The following GALNT17 variants were observed in gnomAD, a reference collection of about 807,000 sequenced individuals.
GALNT17 encodes polypeptide N-acetylgalactosaminyltransferase 17, also known as UDP-GalNAc:polypeptide N-acetylgalactosaminyltransferase-like 3.
In GALNT17, 29 loss-of-function variants were observed where a neutral mutation model predicts 63.7. The ratio of observed to expected loss-of-function variants is 0.46; its 90% CI spans 0.34 to 0.62. The LOEUF (loss-of-function observed/expected upper bound fraction) is 0.62, where lower values mean the gene tolerates loss of function less well. GALNT17 is among the 20% of genes least tolerant of loss of function. The pLI is 0.01. For synonymous variants in GALNT17, 305 were observed against 318.3 expected, an observed-to-expected ratio of 0.96 and a Z score of 0.45; for missense variants, 603 against 799.6, an observed-to-expected ratio of 0.75 and a Z score of 2.97.
chr7:71,526,050 C>T (rs750579768), intron 5 of GALNT17, among the ~76,000 whole-genome samples: 13 of 151,934 alleles, frequency 8.6e-5, no homozygotes, highest in African/African-American at 1.9e-4. Context: ...TCGAGTATGT[C>T]GTTATCAGCA....
intron 1 of GALNT17, among the ~76,000 whole-genome samples, chr7:71,274,548 G>T (rs942326140): frequency 1.5e-4 from 23 of 152,164 alleles, no homozygotes; most frequent in Admixed American, 1.4e-3. Flanking sequence ...CAAAAGCGCT[G>T]GGTTGGCAGA....
chr7:71,656,360 G>C (rs1790828257), intron 6 of GALNT17, among the ~76,000 whole-genome samples: 1 of 152,146 alleles, frequency 6.6e-6, no homozygotes, highest in Admixed American at 6.5e-5. Flanking sequence ...GAGTTAACTA[G>C]GCAGATGGGG....
intron 6 of GALNT17, among the ~76,000 whole-genome samples, chr7:71,645,223 T>C (rs1039200832): frequency 6.6e-6 from 1 of 152,180 alleles, no homozygotes; most frequent in Non-Finnish European, 1.5e-5. Context: ...CATAAGTGGA[T>C]TAGGTCTGTC....
intron 1 of GALNT17, among the ~76,000 whole-genome samples, chr7:71,267,906 T>G (rs1292029578): frequency 2.6e-5 from 3 of 115,620 alleles, no homozygotes; most frequent in Non-Finnish European, 5.1e-5. Flanking sequence ...TTCCCCTCCC[T>G]GTGTCCATGT....
chr7:71,697,316 T>G (rs1791559983), intron 9 of GALNT17, among the ~76,000 whole-genome samples: 2 of 152,148 alleles, frequency 1.3e-5, no homozygotes, highest in African/African-American at 4.8e-5. Context: ...TCTGTCTTTA[T>G]CTGCATCTGT....
chr7:71,620,024 T>C (rs1322794686), intron 6 of GALNT17, among the ~76,000 whole-genome samples: 1 of 152,218 alleles, frequency 6.6e-6, no homozygotes, highest in East Asian at 1.9e-4. Context: ...ATTGAAAACC[T>C]TTTCTCTGTC....
At chr7:71,599,891 G>A (rs935861192) in intron 6 of GALNT17, among the ~76,000 whole-genome samples, 1 of 151,930 alleles carries the variant, frequency 6.6e-6, no homozygotes, top group Non-Finnish European at 1.5e-5. Context: ...GTGGGGTAGA[G>A]GGTATCCTGT....
intron 1 of GALNT17, among the ~76,000 whole-genome samples, chr7:71,314,032 T>C (rs60354283): frequency 0.031 from 4,778 of 152,250 alleles, 200 homozygotes; most frequent in African/African-American, 0.089. Flanking sequence ...AAAAAGATTA[T>C]TTAATTTGGG....
chr7:71,255,551 C>G (rs1313461652), intron 1 of GALNT17, among the ~76,000 whole-genome samples: 1 of 152,222 alleles, frequency 6.6e-6, no homozygotes, highest in African/African-American at 2.4e-5. Flanking sequence ...TCTGCCTCCC[C>G]TGAAGGAGTT....
At chr7:71,285,503 A>G (rs1393294889) in intron 1 of GALNT17, among the ~76,000 whole-genome samples, 1 of 152,206 alleles carries the variant, frequency 6.6e-6, no homozygotes, top group Non-Finnish European at 1.5e-5. Flanking sequence ...CTTGTATTAA[A>G]TGTGGTTATG....
At chr7:71,539,333 GATAAAA>G (rs1424797912) in intron 5 of GALNT17, among the ~76,000 whole-genome samples, 1 of 151,994 alleles carries the variant, frequency 6.6e-6, no homozygotes, top group African/African-American at 2.4e-5. Flanking sequence ...CCTTTTGAAT[GATAAAA>G]ATAGAAATGT....
intron 1 of GALNT17, among the ~76,000 whole-genome samples, chr7:71,218,264 G>A (rs1789522540): frequency 2.0e-5 from 3 of 152,144 alleles, no homozygotes; most frequent in South Asian, 2.1e-4. Context: ...CATGGTGGTG[G>A]GTGCCTGTAA....
chr7:71,232,714 G>T (rs1027234576), intron 1 of GALNT17, among the ~76,000 whole-genome samples: 1 of 152,092 alleles, frequency 6.6e-6, no homozygotes, highest in African/African-American at 2.4e-5. Flanking sequence ...AGCCGCTCAG[G>T]GTCCGTGCTG....
At chr7:71,532,972 A>G (rs1788745687) in intron 5 of GALNT17, among the ~76,000 whole-genome samples, 1 of 152,100 alleles carries the variant, frequency 6.6e-6, no homozygotes, top group South Asian at 2.1e-4. Flanking sequence ...ACCTCCACCT[A>G]CAAACCCTGC....
At chr7:71,429,075 C>CT (rs1786813662) in intron 5 of GALNT17, among the ~76,000 whole-genome samples, 1 of 152,194 alleles carries the variant, frequency 6.6e-6, no homozygotes, top group South Asian at 2.1e-4. Flanking sequence ...ATCTGTTTGT[C>CT]TGTCTATTGA....
chr7:71,346,934 A>AT (rs77697804), intron 2 of GALNT17, among the ~76,000 whole-genome samples: 2,192 of 149,092 alleles, frequency 0.015, 28 homozygotes, highest in Middle Eastern at 0.028. Flanking sequence ...GGCATACAGT[A>AT]TTTTTTTTTT....
At position 71,226,165 on chromosome 7, in the gene GALNT17, C is replaced by T. The variant is rs1789676407; in HGVS notation, c.238+93125C>T. 3.9e-5 allele frequency among the ~76,000 whole-genome samples: 6 copies of T among 152,348 alleles called. No individual in the cohort carries two copies. In the South Asian group the frequency reaches 1.2e-3, roughly 32 times the overall value. ...ACTAAAACAAGAATGAGCTATCTGA[C>T]ACCAGGGTCCTTCTTTAGGAACTTC... On this transcript the variant is annotated intron_variant, in intron 1 of 10. Coordinates refer to ENST00000333538, the MANE Select transcript of GALNT17 (RefSeq NM_022479.3).
intron 8 of GALNT17, among the ~76,000 whole-genome samples, chr7:71,674,420 A>G (rs532526636): frequency 6.6e-6 from 1 of 151,046 alleles, no homozygotes; most frequent in Admixed American, 6.6e-5. Flanking sequence ...ATCATGACAT[A>G]CTATAGCCAA....
intron 5 of GALNT17, among the ~76,000 whole-genome samples, chr7:71,427,037 T>G (rs896747962): frequency 2.6e-5 from 4 of 152,120 alleles, no homozygotes; most frequent in African/African-American, 9.7e-5. Flanking sequence ...GATTTACCGT[T>G]TATTGAATGC....
Sources: gnomAD v4.1 joint callset for allele counts (sites outside exome capture counted in the v4.1 genomes callset) on GRCh38, gnomAD v4.1.1 for gene constraint, MANE v1.5 for transcripts, NCBI Gene and HGNC (gene_info 2026-07-23, HGNC 2026-07-21) for gene names.